The following LIMCH1 variants were observed in gnomAD, a reference collection of about 807,000 sequenced individuals.
LIMCH1 encodes the protein LIM and calponin homology domains-containing protein 1.
In LIMCH1, 113 loss-of-function variants were observed where a neutral mutation model predicts 176.5. That is an observed-to-expected ratio of 0.64 (90% CI 0.55 to 0.75). LIMCH1 has a LOEUF of 0.75. LIMCH1 is among the 30% of genes least tolerant of loss of function. The pLI, the probability that LIMCH1 is intolerant of heterozygous loss-of-function variation, is 0.00. For synonymous variants in LIMCH1, 619 were observed against 645.9 expected (o/e 0.96, Z 0.63); for missense variants, 1,674 against 1,814.9 (o/e 0.92, Z 1.41).
intron 26 of LIMCH1, 136 bp downstream of exon 26, chr4:41,682,596 G>T: frequency 2.9e-6 from 2 of 697,946 alleles, no homozygotes; most frequent in Non-Finnish European, 2.2e-6. Context: ...ATTACATATT[G>T]TTTGGACATA....
intron 26 of LIMCH1, among the ~76,000 whole-genome samples, chr4:41,683,023 G>A (rs188454641): frequency 6.6e-6 from 1 of 151,992 alleles, no homozygotes; most frequent in Non-Finnish European, 1.5e-5. Context: ...TAAACAAAGG[G>A]GGGCAGTATC....
chr4:41,574,163 C>A (rs2152632758), intron 1 of LIMCH1, among the ~76,000 whole-genome samples: 1 of 150,370 alleles, frequency 6.7e-6, no homozygotes, highest in East Asian at 2.0e-4. Flanking sequence ...AAGTAAAAGT[C>A]TCAGAAAGAT....
chr4:41,473,618 AG>A (rs1174938278), intron 1 of LIMCH1, among the ~76,000 whole-genome samples: 1 of 152,216 alleles, frequency 6.6e-6, no homozygotes, highest in Non-Finnish European at 1.5e-5. Flanking sequence ...AAGAAAACAT[AG>A]GGGAAAACTC....
chr4:41,409,128 CT>C (rs2059251136), intron 1 of LIMCH1, among the ~76,000 whole-genome samples: 1 of 152,158 alleles, frequency 6.6e-6, no homozygotes, highest in Non-Finnish European at 1.5e-5. Flanking sequence ...AGGAACTTAA[CT>C]TGAAATTCTA....
intron 1 of LIMCH1, among the ~76,000 whole-genome samples, chr4:41,419,157 TATTTTATTTC>T (rs1350927463): frequency 3.0e-5 from 3 of 98,976 alleles, no homozygotes; most frequent in African/African-American, 4.9e-5. Flanking sequence ...TATTTTATTT[TATTTTATTTC>T]ATTTTATTTT....
In LIMCH1 at chr4:41,629,522, G is replaced by A; in HGVS notation, c.1059G>A (p.Leu353=). ...AGGGCCACACAGAAGAGGTGAAGTTGATAGTGACCTGTAACATGAGGGCTC... is the reference window on the plus strand; with the variant it reads ...AGGGCCACACAGAAGAGGTGAAGTTAATAGTGACCTGTAACATGAGGGCTC... ...RNQGHTEEVK[L]IVTCNMRAQE... Residue 353 remains leucine (L), a synonymous_variant, in exon 9 of 32, where the codon TTG becomes TTA. Transcript: ENST00000503057. 6.5e-7 allele frequency: 1 copy of A among 1,536,058 alleles called. No individual in the cohort carries two copies. The highest frequency in any genetic ancestry group is 8.7e-7 in the Non-Finnish European group (1 of 1,146,884).
chr4:41,444,311 TATACACACACAC>T (rs1189050972), intron 1 of LIMCH1, among the ~76,000 whole-genome samples: 8 of 71,206 alleles, frequency 1.1e-4, no homozygotes, highest in South Asian at 1.4e-3. Context: ...TGTGTATATA[TATACACACACAC>T]ACACACACAC....
intron 1 of LIMCH1, among the ~76,000 whole-genome samples, chr4:41,487,868 G>A (rs1561520924): frequency 6.7e-6 from 1 of 150,268 alleles, no homozygotes; most frequent in Non-Finnish European, 1.5e-5. Context: ...TAGCCAGGAT[G>A]GTCTCAATCT....
At chr4:41,436,960 C>T (rs924528440) in intron 1 of LIMCH1, among the ~76,000 whole-genome samples, 4 of 152,274 alleles carry the variant, frequency 2.6e-5, no homozygotes, top group African/African-American at 2.4e-5. Context: ...AATACTGTCA[C>T]GGACCTCAGA....
chr4:41,660,828 A>G (rs907216691), intron 18 of LIMCH1, among the ~76,000 whole-genome samples: 2 of 152,202 alleles, frequency 1.3e-5, no homozygotes, highest in African/African-American at 2.4e-5. Flanking sequence ...GTCCAGTTGA[A>G]ATCTTTCAGA....
intron 5 of LIMCH1, among the ~76,000 whole-genome samples, chr4:41,615,472 T>C (rs2091959402): frequency 6.6e-6 from 1 of 152,194 alleles, no homozygotes; most frequent in Non-Finnish European, 1.5e-5. Flanking sequence ...AAATTAGAGC[T>C]TCACAAACAC....
intron 1 of LIMCH1, among the ~76,000 whole-genome samples, chr4:41,596,810 G>A (rs2088920125): frequency 1.3e-5 from 2 of 152,128 alleles, no homozygotes; most frequent in South Asian, 4.1e-4. Context: ...TTCAGACTTT[G>A]AGCAGCTAGC....
chr4:41,399,840 A>ATTT (rs71198650), intron 1 of LIMCH1, among the ~76,000 whole-genome samples: 4 of 114,112 alleles, frequency 3.5e-5, no homozygotes, highest in African/African-American at 1.6e-4. Flanking sequence ...TGCCCGGCTA[A>ATTT]TTTTTTTTTT....
At chr4:41,566,584 T>A (rs2082802850) in intron 1 of LIMCH1, among the ~76,000 whole-genome samples, 1 of 151,988 alleles carries the variant, frequency 6.6e-6, no homozygotes, top group Non-Finnish European at 1.5e-5. Context: ...TTAGAACCAA[T>A]GAGGAGAAGT....
intron 1 of LIMCH1, among the ~76,000 whole-genome samples, chr4:41,592,378 A>G (rs569829156): frequency 6.6e-6 from 1 of 152,218 alleles, no homozygotes; most frequent in Non-Finnish European, 1.5e-5. Flanking sequence ...TTTGGTATGT[A>G]GCCTGCCCCT....
At chr4:41,521,655 A>T (rs181209404) in intron 2 of LIMCH1, among the ~76,000 whole-genome samples, 1 of 152,308 alleles carries the variant, frequency 6.6e-6, no homozygotes, top group African/African-American at 2.4e-5. Context: ...AGTATTATAA[A>T]CAGAACACTG....
chr4:41,366,191 T>C (rs2052948787), intron 1 of LIMCH1, among the ~76,000 whole-genome samples: 3 of 152,226 alleles, frequency 2.0e-5, no homozygotes, highest in Admixed American at 2.0e-4. Flanking sequence ...CTGATGTTGC[T>C]GATGATAAAA....
intron 1 of LIMCH1, among the ~76,000 whole-genome samples, chr4:41,541,592 T>C (rs1012820779): frequency 6.6e-6 from 1 of 152,222 alleles, no homozygotes; most frequent in African/African-American, 2.4e-5. Flanking sequence ...CTAGATGTCT[T>C]ATAGCCCAGA....
At chr4:41,415,055 G>C (rs2059809186) in intron 1 of LIMCH1, among the ~76,000 whole-genome samples, 2 of 152,082 alleles carry the variant, frequency 1.3e-5, no homozygotes, top group African/African-American at 4.8e-5. Context: ...CATTGTGATG[G>C]TTAATTGAGG....
Sources: allele counts gnomAD v4.1 joint callset (sites outside exome capture counted in the v4.1 genomes callset), GRCh38; gene constraint gnomAD v4.1.1; transcripts MANE v1.5; gene names NCBI Gene and HGNC (gene_info 2026-07-23, HGNC 2026-07-21).